PWWP2A: variants seen among roughly 807,000 people sequenced by gnomAD.
PWWP2A encodes the protein PWWP domain-containing protein 2A.
PWWP2A carries 18 observed loss-of-function variants against 48.5 expected under a neutral mutation model. The observed-to-expected ratio is 0.37, with a 90% CI of 0.26 to 0.55. The LOEUF (loss-of-function observed/expected upper bound fraction) is 0.55, where lower values mean the gene tolerates loss of function less well. Ranked by LOEUF, PWWP2A falls within the 20% of genes least tolerant of loss-of-function variation. The probability of loss-of-function intolerance (pLI) is 0.81; values close to 1 mark genes in which losing one functional copy is unlikely to be tolerated. For synonymous variants in PWWP2A, 396 were observed against 387.7 expected (o/e 1.02, Z -0.25); for missense variants, 867 against 976.4 (o/e 0.89, Z 1.49).
chr5:160,093,455 C>G lies in PWWP2A; in HGVS notation c.1195G>C (p.Val399Leu). 6.2e-7 allele frequency: 1 copy of G among 1,613,534 alleles called. No homozygotes were observed. Among genetic ancestry groups the G allele is most frequent in the Non-Finnish European group, 8.5e-7 (1 of 1,179,794 alleles). The change falls in exon 2 of 2, where the codon GTA becomes CTA. Residue 399 changes from valine (V) to leucine (L), a missense_variant. Val to Leu is a conservative substitution (Grantham distance 32). Transcript: ENST00000307063. This position sits in a 1 kb window ranked among gnomAD's most constrained non-coding sequence, Gnocchi z 5.8. ...GTATTTGCCTGAGCAGAAACTTTTA[C>G]TACTCTGCCTCTGCTGTGAGCAATA... ...SNIAHSRGRVVKVSAQANTSK... is the reference protein window; with the variant it reads ...SNIAHSRGRVLKVSAQANTSK...
intron 4 of PWWP2A, among the ~76,000 whole-genome samples, chr5:160,063,966 C>CTTTTTTTTTTTTTT (rs34967107): frequency 9.4e-6 from 1 of 106,672 alleles, no homozygotes; most frequent in African/African-American, 3.7e-5. Flanking sequence ...TAGACCATGA[C>CTTTTTTTTTTTTTT]TTTTTTTTTT....
chr5:160,087,945 G>A (rs956120289), downstream of PWWP2A, among the ~76,000 whole-genome samples: 1 of 152,150 alleles, frequency 6.6e-6, no homozygotes, highest in Admixed American at 6.5e-5. Flanking sequence ...AAAATATACA[G>A]ATCAGCTATA....
At chr5:160,060,388 G>T (rs1371719717), downstream of PWWP2A, among the ~76,000 whole-genome samples, 5 of 152,174 alleles carry the variant, frequency 3.3e-5, no homozygotes, top group Non-Finnish European at 5.9e-5. Context: ...CAAGCACTCG[G>T]ATCCCTGTCT....
At chr5:160,112,518 G>A (rs969458758) in intron 1 of PWWP2A, among the ~76,000 whole-genome samples, 6 of 151,956 alleles carry the variant, frequency 3.9e-5, no homozygotes, top group African/African-American at 1.2e-4. Context: ...CACCACACCC[G>A]GCCAGGCATC....
downstream of PWWP2A, among the ~76,000 whole-genome samples, chr5:160,072,665 G>A (rs1220494567): frequency 6.6e-6 from 1 of 152,084 alleles, no homozygotes; most frequent in South Asian, 2.1e-4. Context: ...CAAGGTTGAG[G>A]CTGCAGTGAG....
chr5:160,066,295 C>CTTTTT (rs748083955), intron 4 of PWWP2A, among the ~76,000 whole-genome samples: 1,184 of 57,782 alleles, frequency 0.02, 37 homozygotes, highest in African/African-American at 0.06. Context: ...AAGTGGTTCT[C>CTTTTT]ATTTTTTTTT....
chr5:160,072,549 AC>A (rs1753763449), downstream of PWWP2A, among the ~76,000 whole-genome samples: 2 of 151,844 alleles, frequency 1.3e-5, no homozygotes, highest in African/African-American at 4.8e-5. Flanking sequence ...TAACAGAGAA[AC>A]CCCGTCGCTA....
rs1043081341 is a variant in PWWP2A at position 160,064,873 on chromosome 5, G to A, written c.*237-1200C>T. On this transcript the variant is annotated intron_variant and NMD_transcript_variant, in intron 4 of 5. Transcript: ENST00000524050. ...CTCAGTGGTAAGGCAAGATTAATTG[G>A]TACCTTCCTGCTTCTGTTCATTCCT... 2.6e-5 allele frequency: 41 copies of A among 1,548,704 alleles called. No homozygotes were observed. The African/African-American group carries it at 4.2e-4, about 16-fold the overall frequency.
Position 160,103,423 on chromosome 5 carries a change from A to G in PWWP2A, c.585-9358T>C, listed in dbSNP as rs151316455. On this transcript the variant is annotated intron_variant, in intron 1 of 1. Coordinates refer to ENST00000307063, the MANE Select transcript of PWWP2A (RefSeq NM_001130864.2). ...CCCCCATCTCTTAAAAATAAATAAA[A>G]TGTTTAAAAAACAAGTATGCTAACT... Among the ~76,000 whole-genome samples, 377 of 152,266 alleles carry G rather than the reference A, an allele frequency of 2.5e-3. 12 individuals carry two copies. The highest frequency in any genetic ancestry group is 0.023 in the Admixed American group (357 of 15,286).
downstream of PWWP2A, chr5:160,089,588 G>A (rs762415923): frequency 2.1e-5 from 27 of 1,288,372 alleles, no homozygotes; most frequent in Non-Finnish European, 2.6e-5. Flanking sequence ...CAAATGATTA[G>A]TCAGCTTCCT....
At chr5:160,117,563 G>A (rs543964493) in intron 1 of PWWP2A, among the ~76,000 whole-genome samples, 13 of 152,012 alleles carry the variant, frequency 8.6e-5, no homozygotes, top group South Asian at 2.1e-4. Flanking sequence ...AGGCTGAGGC[G>A]GGAGAATCGC....
At chr5:160,057,210 G>C (rs1195550225), downstream of PWWP2A, among the ~76,000 whole-genome samples, 1 of 152,138 alleles carries the variant, frequency 6.6e-6, no homozygotes, top group East Asian at 1.9e-4. This position sits in a 1 kb window ranked among gnomAD's most constrained non-coding sequence, Gnocchi z 4.4. Context: ...CCACTTCTTT[G>C]AAAGTTCTTG....
Position 160,079,340 on chromosome 5 carries a change from G to T in PWWP2A, c.1670-1172C>A, listed in dbSNP as rs543211948. Among the ~76,000 whole-genome samples the T allele has an allele frequency of 4.6e-5, 7 of 151,246 alleles. No homozygotes were observed. In the East Asian group the frequency reaches 1.4e-3, roughly 29 times the overall value. ...AGCCCTACAAAATACATTTCACTGG[G>T]TATTCTATCATGTTTCTCCTCAAGC... On this transcript the variant is annotated intron_variant, in intron 3 of 3. Transcript: ENST00000456329.
In PWWP2A at chr5:160,091,757, C is replaced by T. The variant is rs1186888600; in HGVS notation, c.*625G>A. The T allele has an allele frequency of 1.0e-6, 1 of 984,956 alleles. No homozygotes were observed. The highest frequency in any genetic ancestry group is 6.2e-5 in the Admixed American group (1 of 16,224). 61.0% of individuals were successfully genotyped at this position (984,956 alleles called of 1,614,324 possible). Reference sequence around the variant, plus strand: ...TTAATCCCAAACACTGGGCTATTTCCCCAGTCTGTAACTGAATTGCAACCA... The same window carrying T: ...TTAATCCCAAACACTGGGCTATTTCTCCAGTCTGTAACTGAATTGCAACCA... On this transcript the variant is annotated 3_prime_UTR_variant, in exon 2 of 2. Transcript: ENST00000307063.
At chr5:160,117,652 G>A (rs1252877931) in intron 1 of PWWP2A, among the ~76,000 whole-genome samples, 13 of 148,220 alleles carry the variant, frequency 8.8e-5, no homozygotes, top group Non-Finnish European at 3.0e-5. Context: ...GTGAGACTCC[G>A]TCTCAAAAAA....
At chr5:160,113,761 G>C (rs73314953) in intron 1 of PWWP2A, among the ~76,000 whole-genome samples, 1,949 of 152,284 alleles carry the variant, frequency 0.013, 48 homozygotes, top group African/African-American at 0.045. Flanking sequence ...TATCTCCACA[G>C]AGGCAATGAA....
chr5:160,109,810 A>G, intron 1 of PWWP2A, among the ~76,000 whole-genome samples: 1 of 118,560 alleles, frequency 8.4e-6, no homozygotes, highest in South Asian at 2.8e-4. Context: ...TATATATATA[A>G]AATAATATAA....
chr5:160,059,277 T>A (rs1245830277), downstream of PWWP2A, among the ~76,000 whole-genome samples: 1 of 152,256 alleles, frequency 6.6e-6, no homozygotes, highest in Non-Finnish European at 1.5e-5. Context: ...TTTTTGCAGC[T>A]TCTATGTCAG....
the PWWP2A span, among the ~76,000 whole-genome samples, chr5:160,047,275 A>G: frequency 1.3e-5 from 2 of 152,114 alleles, no homozygotes; most frequent in Non-Finnish European, 2.9e-5. Context: ...CAAAACTTGC[A>G]GTTAGTTTTT....
Sources: gnomAD v4.1 joint callset for allele counts (sites outside exome capture counted in the v4.1 genomes callset) on GRCh38, gnomAD v4.1.1 for gene constraint, Gnocchi (gnomAD v3.1) non-coding constraint, MANE v1.5 for transcripts, NCBI Gene and HGNC (gene_info 2026-07-23, HGNC 2026-07-21) for gene names.